NDRG3: variants seen among roughly 807,000 people sequenced by gnomAD.
NDRG3 encodes the protein NDRG family member 3.
A neutral mutation model predicts 57.2 loss-of-function variants in NDRG3; 23 were observed. That is an observed-to-expected ratio of 0.40 (90% CI 0.29 to 0.57). NDRG3 has a LOEUF of 0.57. NDRG3 is among the 20% of genes least tolerant of loss of function. NDRG3 has a pLI of 0.42. For missense variants in NDRG3, 384 were observed against 457.3 expected, an observed-to-expected ratio of 0.84 and a Z score of 1.46; for synonymous variants, 132 against 162.6, an observed-to-expected ratio of 0.81 and a Z score of 1.43.
At chr20:36,722,576 C>T (rs1209547587) in intron 1 of NDRG3, among the ~76,000 whole-genome samples, 4 of 151,982 alleles carry the variant, frequency 2.6e-5, no homozygotes, top group African/African-American at 4.8e-5. Flanking sequence ...ACGGATTAAG[C>T]GGGGACAAAA....
intron 1 of NDRG3, among the ~76,000 whole-genome samples, chr20:36,739,245 G>T (rs555898825): frequency 7.2e-6 from 1 of 138,856 alleles, no homozygotes; most frequent in Non-Finnish European, 1.5e-5. Context: ...TCAGGAGATC[G>T]AGACCAGCCT....
rs1384050511 is a variant in NDRG3, at chr20:36,722,173, C to CGTAACAA, written c.-48-397_-48-391dup. On this transcript the variant is annotated intron_variant, in intron 1 of 15. Coordinates refer to ENST00000349004, the MANE Select transcript of NDRG3 (RefSeq NM_032013.4). ...AAGCTGATGTGCTGTGAGAGGGCCACGTAACAAGTAACTGAGAGCAGCCTC... is the reference window on the plus strand; with the variant it reads ...AAGCTGATGTGCTGTGAGAGGGCCACGTAACAAGTAACAAGTAACTGAGAGCAGCCTC... Among the ~76,000 whole-genome samples, 9 of 152,236 alleles carry CGTAACAA rather than the reference C, an allele frequency of 5.9e-5. No homozygotes were observed. The East Asian group carries it at 1.2e-3, about 20-fold the overall frequency.
chr20:36,733,578 GC>G (rs1424479818), intron 1 of NDRG3, among the ~76,000 whole-genome samples: 1 of 152,014 alleles, frequency 6.6e-6, no homozygotes, highest in Non-Finnish European at 1.5e-5. Flanking sequence ...CAAAAAATTA[GC>G]CGGGAGAGGT....
chr20:36,728,303 C>A (rs1197202497), intron 1 of NDRG3, among the ~76,000 whole-genome samples: 1 of 152,192 alleles, frequency 6.6e-6, no homozygotes, highest in Admixed American at 6.5e-5. Flanking sequence ...CTACCTGCCT[C>A]AGCCTCCCAA....
intron 8 of NDRG3, among the ~76,000 whole-genome samples, chr20:36,675,696 A>AT (rs1285387840): frequency 1.3e-5 from 2 of 151,304 alleles, no homozygotes; most frequent in African/African-American, 2.4e-5. Flanking sequence ...TACTTTTAAA[A>AT]TTTTTTGTAG....
chr20:36,685,904 G>C (rs1463708702), intron 5 of NDRG3, among the ~76,000 whole-genome samples: 1 of 152,206 alleles, frequency 6.6e-6, no homozygotes, highest in Non-Finnish European at 1.5e-5. Flanking sequence ...CAGCTAGTAG[G>C]GAGGCTGAGA....
intron 3 of NDRG3, among the ~76,000 whole-genome samples, chr20:36,697,870 T>G (rs1283067992): frequency 6.6e-6 from 1 of 152,194 alleles, no homozygotes; most frequent in Non-Finnish European, 1.5e-5. Flanking sequence ...AATAGACTAA[T>G]GTCTACATAT....
intron 1 of NDRG3, among the ~76,000 whole-genome samples, chr20:36,733,168 AAAAATATATATATATAT>A (rs1219862293): frequency 9.2e-5 from 3 of 32,734 alleles, no homozygotes; most frequent in East Asian, 3.1e-4. Flanking sequence ...AAAAAAAAAA[AAAAATATATATATATAT>A]ATATATATAT....
chr20:36,740,035 G>A (rs963000348), intron 1 of NDRG3, among the ~76,000 whole-genome samples: 4 of 151,434 alleles, frequency 2.6e-5, no homozygotes, highest in Admixed American at 2.6e-4. Context: ...CCAGACTGTA[G>A]ACCATGGGCA....
intron 3 of NDRG3, among the ~76,000 whole-genome samples, chr20:36,697,011 G>A (rs780705108): frequency 1.3e-5 from 2 of 152,122 alleles, no homozygotes; most frequent in Admixed American, 6.6e-5. Flanking sequence ...GACACCTTCA[G>A]TATTTAACTC....
chr20:36,712,587 ATTTT>A (rs71186015), intron 2 of NDRG3, among the ~76,000 whole-genome samples: 2 of 5,912 alleles, frequency 3.4e-4, no homozygotes, highest in African/African-American at 5.5e-4. Flanking sequence ...ATATATATAT[ATTTT>A]TTTTTTTTTT....
Position 36,653,414 on chromosome 20 carries a change from T to G in NDRG3, c.*106A>C. 2.1e-6 allele frequency: 2 copies of G among 965,914 alleles called. 1 individual carries two copies. Among genetic ancestry groups the G allele is most frequent in the South Asian group, 3.4e-5 (2 of 59,056 alleles). The allele number at this position is 965,914 out of a possible 1,614,324, so 59.8% of individuals were successfully genotyped here. On this transcript the variant is annotated 3_prime_UTR_variant, in exon 16 of 16. Transcript: ENST00000349004. The surrounding 1 kb of genome is among the most constrained non-coding windows in gnomAD (Gnocchi z 4.2). ...CTACTAGAGAGAGGTTCAGTGGCCA[T>G]GCATGAGTTAAAGATAGTAGAGGCC...
intron 8 of NDRG3, 99 bp from the exon 9 acceptor site, chr20:36,671,496 C>T (rs1047116624): frequency 1.0e-5 from 9 of 887,872 alleles, no homozygotes; most frequent in African/African-American, 3.4e-5. Context: ...TATGTTATCT[C>T]TTTAAAAACA....
At chr20:36,716,313 A>C (rs985360393) in intron 2 of NDRG3, among the ~76,000 whole-genome samples, 1 of 152,098 alleles carries the variant, frequency 6.6e-6, no homozygotes, top group African/African-American at 2.4e-5. Context: ...CGGACGGATC[A>C]CTTGAAGTCA....
intron 9 of NDRG3, among the ~76,000 whole-genome samples, chr20:36,669,105 G>A (rs1303123172): frequency 6.6e-6 from 1 of 150,896 alleles, no homozygotes; most frequent in Admixed American, 6.6e-5. Flanking sequence ...TGCCCATGCT[G>A]GAGTGCAATG....
chr20:36,684,849 C>CAA (rs397962989), intron 5 of NDRG3, among the ~76,000 whole-genome samples: 4 of 110,582 alleles, frequency 3.6e-5, no homozygotes, highest in African/African-American at 6.4e-5. Flanking sequence ...AACTCCGCCT[C>CAA]AAAAAAAAAA....
chr20:36,715,053 TA>T (rs1984188522), intron 2 of NDRG3, among the ~76,000 whole-genome samples: 7 of 120,580 alleles, frequency 5.8e-5, no homozygotes, highest in African/African-American at 2.2e-4. Context: ...TATATATATA[TA>T]TTATATTTAA....
At chr20:36,713,446 G>A (rs1203935474) in intron 2 of NDRG3, among the ~76,000 whole-genome samples, 2 of 152,074 alleles carry the variant, frequency 1.3e-5, no homozygotes, top group African/African-American at 4.8e-5. Context: ...AAAAAAGGGG[G>A]GTGTGAAAAG....
intron 3 of NDRG3, among the ~76,000 whole-genome samples, chr20:36,699,414 A>G (rs1474628389): frequency 6.6e-6 from 1 of 152,162 alleles, no homozygotes; most frequent in Admixed American, 6.5e-5. Flanking sequence ...GGCAGCAAGA[A>G]AAAGGGAGAG....
Sources: gnomAD v4.1 joint callset for allele counts (sites outside exome capture counted in the v4.1 genomes callset) on GRCh38, gnomAD v4.1.1 for gene constraint, Gnocchi (gnomAD v3.1) non-coding constraint, MANE v1.5 for transcripts, NCBI Gene and HGNC (gene_info 2026-07-23, HGNC 2026-07-21) for gene names.